Variants in FAM117B observed in about 807,000 individuals in gnomAD.
FAM117B encodes family with sequence similarity 117 member B, also known as protein FAM117B.
A neutral mutation model predicts 52.8 loss-of-function variants in FAM117B; 22 were observed. The ratio of observed to expected loss-of-function variants is 0.42; its 90% CI spans 0.30 to 0.59. The LOEUF (loss-of-function observed/expected upper bound fraction) is 0.59. Among genes scored for constraint, FAM117B ranks in the 20% least tolerant of loss-of-function variants. The pLI, the probability that FAM117B is intolerant of heterozygous loss-of-function variation, is 0.22. For missense variants in FAM117B, 678 were observed against 802.6 expected, an observed-to-expected ratio of 0.84 and a Z score of 1.88; for synonymous variants, 309 against 324.1, an observed-to-expected ratio of 0.95 and a Z score of 0.50.
At chr2:202,656,533 A>G (rs1271936061) in intron 1 of FAM117B, among the ~76,000 whole-genome samples, 2 of 152,116 alleles carry the variant, frequency 1.3e-5, no homozygotes, top group African/African-American at 2.4e-5. Flanking sequence ...GCTTTCTTGT[A>G]TTGATTTTTA....
intron 2 of FAM117B, among the ~76,000 whole-genome samples, chr2:202,712,983 T>C (rs1475541859): frequency 2.0e-5 from 3 of 152,212 alleles, no homozygotes; most frequent in Non-Finnish European, 4.4e-5. Context: ...ATCAGTGATA[T>C]TGGCCTATAG....
chr2:202,645,954 G>C (rs915634245), intron 1 of FAM117B, among the ~76,000 whole-genome samples: 2 of 151,688 alleles, frequency 1.3e-5, no homozygotes, highest in African/African-American at 4.8e-5. Flanking sequence ...TTTACATTTT[G>C]GCCATTATAC....
chr2:202,678,284 AG>A lies in FAM117B; in HGVS notation c.602-17595del, dbSNP rs572119857. On this transcript the variant is annotated intron_variant, in intron 1 of 7. Coordinates refer to ENST00000392238, the MANE Select transcript of FAM117B (RefSeq NM_173511.4). ...GGGAGTGGGGCTCCTAAGCCAAGAGAGGAAACCCTGTGTGCGGTAGAAAAGT... is the reference window on the plus strand; with the variant it reads ...GGGAGTGGGGCTCCTAAGCCAAGAGAGAAACCCTGTGTGCGGTAGAAAAGT... Among the ~76,000 whole-genome samples the A allele has an allele frequency of 2.6e-4, 40 of 152,230 alleles. No homozygotes were observed. In the South Asian group the frequency reaches 8.1e-3, roughly 31 times the overall value.
chr2:202,655,428 T>C (rs927910562), intron 1 of FAM117B, among the ~76,000 whole-genome samples: 17 of 152,302 alleles, frequency 1.1e-4, no homozygotes, highest in South Asian at 6.2e-4. Flanking sequence ...TGTATGTTTA[T>C]AAGAAACTGC....
At position 202,637,407 on chromosome 2, in the gene FAM117B, G is replaced by A. The variant is rs539325581; in HGVS notation, c.601+1619G>A. Reference sequence around the variant, plus strand: ...CGAGTAGCTGGGATTACAGGCACCCGCCATCATGCCCGGCTAATTTTTGTA... The same window carrying A: ...CGAGTAGCTGGGATTACAGGCACCCACCATCATGCCCGGCTAATTTTTGTA... On this transcript the variant is annotated intron_variant, in intron 1 of 7. Coordinates refer to ENST00000392238, the MANE Select transcript of FAM117B (RefSeq NM_173511.4). Among the ~76,000 whole-genome samples, 224 of 151,784 alleles carry A rather than the reference G, an allele frequency of 1.5e-3. 1 individual carries two copies. Among genetic ancestry groups the A allele is most frequent in the African/African-American group, 5.0e-3 (208 of 41,392 alleles).
chr2:202,752,329 C>G (rs533423669), intron 4 of FAM117B, among the ~76,000 whole-genome samples: 1 of 152,038 alleles, frequency 6.6e-6, no homozygotes, highest in East Asian at 1.9e-4. Flanking sequence ...TCTCTCAGCA[C>G]TTCTGCGTGG....
intron 4 of FAM117B, among the ~76,000 whole-genome samples, chr2:202,729,904 T>C (rs1691312564): frequency 6.6e-6 from 1 of 152,198 alleles, no homozygotes. Context: ...ATGTGACTAT[T>C]TCATAATGGT....
At chr2:202,648,576 C>T (rs772534101) in intron 1 of FAM117B, among the ~76,000 whole-genome samples, 39 of 132,522 alleles carry the variant, frequency 2.9e-4, no homozygotes, top group Non-Finnish European at 4.7e-4. Flanking sequence ...TGTGTGTGTG[C>T]GTGTATGTCG....
chr2:202,680,664 C>G (rs1690449112), intron 1 of FAM117B, among the ~76,000 whole-genome samples: 1 of 152,086 alleles, frequency 6.6e-6, no homozygotes, highest in Admixed American at 6.5e-5. Context: ...TTGCCAGAAA[C>G]AATGTAAGAC....
chr2:202,743,681 GAGAT>G (rs1357478654), intron 4 of FAM117B, among the ~76,000 whole-genome samples: 12 of 152,254 alleles, frequency 7.9e-5, no homozygotes, highest in Admixed American at 2.6e-4. Flanking sequence ...TTGAATAAAA[GAGAT>G]AGATAGATTA....
chr2:202,732,154 G>A (rs1441743622), intron 4 of FAM117B, among the ~76,000 whole-genome samples: 1 of 150,862 alleles, frequency 6.6e-6, no homozygotes, highest in Non-Finnish European at 1.5e-5. Flanking sequence ...GCTTTCCAAA[G>A]TGCCGGGATT....
At position 202,708,988 on chromosome 2, in the gene FAM117B, G is replaced by A. The variant is rs759397420; in HGVS notation, c.753+12956G>A. On this transcript the variant is annotated intron_variant, in intron 2 of 7. Coordinates refer to ENST00000392238, the MANE Select transcript of FAM117B (RefSeq NM_173511.4). Reference sequence around the variant, plus strand: ...GTATTCCCAACAACAGTGTACAGGCGTTCCACTTTCTCTACATCCTTACCA... The same window carrying A: ...GTATTCCCAACAACAGTGTACAGGCATTCCACTTTCTCTACATCCTTACCA... Among the ~76,000 whole-genome samples the A allele has an allele frequency of 4.6e-5, 7 of 152,108 alleles. No individual in the cohort carries two copies. In the East Asian group the frequency reaches 5.8e-4, roughly 13 times the overall value.
At chr2:202,740,353 C>G (rs1265178932) in intron 4 of FAM117B, among the ~76,000 whole-genome samples, 1 of 117,902 alleles carries the variant, frequency 8.5e-6, no homozygotes, top group Non-Finnish European at 1.7e-5. Flanking sequence ...GAACGAGACT[C>G]TGCCTCAAAA....
chr2:202,673,433 G>GTTTTTTTTTTTTTTTTTTTTTTTTT lies in FAM117B; in HGVS notation c.602-22440_602-22416dup, dbSNP rs1158185300. 1.3e-4 allele frequency among the ~76,000 whole-genome samples: 5 copies of GTTTTTTTTTTTTTTTTTTTTTTTTT among 37,534 alleles called. 1 individual carries two copies. Among genetic ancestry groups the GTTTTTTTTTTTTTTTTTTTTTTTTT allele is most frequent in the African/African-American group, 1.6e-4 (1 of 6,448 alleles). 24.6% of individuals were successfully genotyped at this position (37,534 alleles called of 152,430 possible). On this transcript the variant is annotated intron_variant, in intron 1 of 7. Coordinates refer to ENST00000392238, the MANE Select transcript of FAM117B (RefSeq NM_173511.4). Reference sequence around the variant, plus strand: ...TAGCCTACCCTATTTTTCTTTTTCTGTTTTTTTTTTTTTTTTTTTTTTTTT... The same window carrying GTTTTTTTTTTTTTTTTTTTTTTTTT: ...TAGCCTACCCTATTTTTCTTTTTCTGTTTTTTTTTTTTTTTTTTTTTTTTTTTTTTTTTTTTTTTTTTTTTTTTTT...
intron 2 of FAM117B, among the ~76,000 whole-genome samples, chr2:202,708,517 G>T (rs372776007): frequency 1.1e-4 from 17 of 152,082 alleles, no homozygotes; most frequent in East Asian, 3.8e-4. Flanking sequence ...GAATAGCGCC[G>T]CAGTGAACAT....
At chr2:202,762,947 T>A (rs947083184) in intron 7 of FAM117B, among the ~76,000 whole-genome samples, 2 of 152,202 alleles carry the variant, frequency 1.3e-5, no homozygotes, top group Non-Finnish European at 2.9e-5. Flanking sequence ...GTTACATGGT[T>A]TTTAGATTCC....
At chr2:202,712,993 G>A (rs1051923939) in intron 2 of FAM117B, among the ~76,000 whole-genome samples, 1 of 152,132 alleles carries the variant, frequency 6.6e-6, no homozygotes, top group African/African-American at 2.4e-5. Flanking sequence ...TTGGCCTATA[G>A]TTTTCTTTCT....
intron 1 of FAM117B, among the ~76,000 whole-genome samples, chr2:202,679,741 CTT>C (rs1472858306): frequency 6.6e-6 from 1 of 152,166 alleles, no homozygotes; most frequent in Non-Finnish European, 1.5e-5. Flanking sequence ...ACTTAACTGA[CTT>C]TCAGAACAAA....
chr2:202,709,428 C>T (rs1690926722), intron 2 of FAM117B, among the ~76,000 whole-genome samples: 1 of 152,168 alleles, frequency 6.6e-6, no homozygotes, highest in Admixed American at 6.5e-5. Flanking sequence ...TCTTGAACTC[C>T]TGACCTCAGG....
Sources: gnomAD v4.1 joint callset for allele counts (sites outside exome capture counted in the v4.1 genomes callset) on GRCh38, gnomAD v4.1.1 for gene constraint, MANE v1.5 for transcripts, NCBI Gene and HGNC (gene_info 2026-07-23, HGNC 2026-07-21) for gene names.